The following JARID2 variants were observed in gnomAD, a reference collection of about 807,000 sequenced individuals.
JARID2 encodes the protein protein Jumonji.
A neutral mutation model predicts 125.6 loss-of-function variants in JARID2; 21 were observed. That is an observed-to-expected ratio of 0.17 (90% CI 0.12 to 0.24). The LOEUF (loss-of-function observed/expected upper bound fraction) is 0.24, where lower values mean the gene tolerates loss of function less well. JARID2 is among the 10% of genes least tolerant of loss of function. The pLI is 1.00. For synonymous variants in JARID2, 736 were observed against 661.6 expected (o/e 1.11, Z -1.73); for missense variants, 1,303 against 1,639.6 (o/e 0.79, Z 3.55).
chr6:15,507,459 T>C, intron 11 of JARID2, 43 bp downstream of exon 11: 2 of 1,541,948 alleles, frequency 1.3e-6, no homozygotes, highest in Non-Finnish European at 1.8e-6. Context: ...GCTGTGTCCA[T>C]GAGTCCTACT....
At position 15,329,002 on chromosome 6, in the gene JARID2, CT is replaced by C. The variant is rs146759476; in HGVS notation, c.46-45106del. ...TCAAATGTAGTATCTTAATAATGGG[CT>C]TTTTTTTTCTAGTTCTTCTTTTTCC... On this transcript the variant is annotated intron_variant, in intron 1 of 17. Transcript: ENST00000341776. 7.3e-3 allele frequency among the ~76,000 whole-genome samples: 1,099 copies of C among 151,448 alleles called. 14 individuals carry two copies. The highest frequency in any genetic ancestry group is 0.025 in the African/African-American group (1,042 of 41,276).
At chr6:15,470,448 A>G (rs924644741) in intron 5 of JARID2, among the ~76,000 whole-genome samples, 2 of 152,178 alleles carry the variant, frequency 1.3e-5, no homozygotes, top group East Asian at 3.8e-4. Flanking sequence ...ATTCACCGGG[A>G]AATAGAGGCT....
At chr6:15,384,810 C>G (rs1337526990) in intron 2 of JARID2, among the ~76,000 whole-genome samples, 1 of 152,084 alleles carries the variant, frequency 6.6e-6, no homozygotes, top group Non-Finnish European at 1.5e-5. Flanking sequence ...CTTAAGTGAT[C>G]CTCTTTCCTG....
chr6:15,371,328 CTTATAAT>C (rs1356415442), intron 1 of JARID2, among the ~76,000 whole-genome samples: 1 of 152,094 alleles, frequency 6.6e-6, no homozygotes, highest in African/African-American at 2.4e-5. Context: ...ATTTTGGGGC[CTTATAAT>C]TTATAAACTG....
At chr6:15,380,636 A>G (rs1764544424) in intron 2 of JARID2, among the ~76,000 whole-genome samples, 1 of 152,300 alleles carries the variant, frequency 6.6e-6, no homozygotes, top group Non-Finnish European at 1.5e-5. Context: ...GCCAAGGACC[A>G]GTATTGGAAG....
chr6:15,264,927 A>G (rs1760026718), intron 1 of JARID2, among the ~76,000 whole-genome samples: 1 of 151,720 alleles, frequency 6.6e-6, no homozygotes, highest in Non-Finnish European at 1.5e-5. Context: ...TGTATTGTGC[A>G]AAAAAGGCTT....
intron 3 of JARID2, among the ~76,000 whole-genome samples, chr6:15,435,952 CCT>C (rs1767182865): frequency 6.6e-6 from 1 of 152,028 alleles, no homozygotes; most frequent in Non-Finnish European, 1.5e-5. Flanking sequence ...TTCTTGTCCC[CCT>C]CTCAGGGCGT....
chr6:15,352,304 G>GC (rs200918787), intron 1 of JARID2, among the ~76,000 whole-genome samples: 4 of 152,034 alleles, frequency 2.6e-5, no homozygotes, highest in Non-Finnish European at 2.9e-5. Context: ...AAACTATGTA[G>GC]CCCCCCGCCT....
intron 1 of JARID2, among the ~76,000 whole-genome samples, chr6:15,307,023 CA>C (rs1200067876): frequency 2.0e-5 from 3 of 151,366 alleles, no homozygotes; most frequent in African/African-American, 7.3e-5. Context: ...AGGCGGATCA[CA>C]AGGTTAGGAG....
At chr6:15,269,316 C>T (rs981430479) in intron 1 of JARID2, among the ~76,000 whole-genome samples, 1 of 152,068 alleles carries the variant, frequency 6.6e-6, no homozygotes, top group Non-Finnish European at 1.5e-5. Flanking sequence ...ATAACTGCCT[C>T]CTAAAGTTGG....
chr6:15,341,745 C>A, intron 1 of JARID2, among the ~76,000 whole-genome samples: 1 of 152,080 alleles, frequency 6.6e-6, no homozygotes, highest in East Asian at 1.9e-4. Context: ...TAGAGTAGTG[C>A]CCGCTTAAGG....
intron 2 of JARID2, among the ~76,000 whole-genome samples, chr6:15,407,874 G>T (rs1581516640): frequency 6.6e-6 from 1 of 152,120 alleles, no homozygotes; most frequent in South Asian, 2.1e-4. Context: ...TATAGTATTT[G>T]TTAAGTAAAT....
At chr6:15,320,294 G>A (rs1251146140) in intron 1 of JARID2, among the ~76,000 whole-genome samples, 1 of 152,148 alleles carries the variant, frequency 6.6e-6, no homozygotes, top group East Asian at 1.9e-4. Flanking sequence ...GTTATAAGCC[G>A]GTAATTCAAG....
At chr6:15,254,133 G>A (rs1374341820) in intron 1 of JARID2, among the ~76,000 whole-genome samples, 1 of 152,232 alleles carries the variant, frequency 6.6e-6, no homozygotes, top group South Asian at 2.1e-4. Flanking sequence ...TGAAGAACCA[G>A]TTGGTGGAGC....
chr6:15,461,467 A>G (rs1768445271), intron 4 of JARID2, among the ~76,000 whole-genome samples: 1 of 152,212 alleles, frequency 6.6e-6, no homozygotes, highest in Non-Finnish European at 1.5e-5. Context: ...GCTGAAGGAA[A>G]GACTGGCCAT....
chr6:15,253,720 T>C (rs1486862749), intron 1 of JARID2, among the ~76,000 whole-genome samples: 1 of 152,172 alleles, frequency 6.6e-6, no homozygotes, highest in Non-Finnish European at 1.5e-5. Flanking sequence ...TTTGAAGAAA[T>C]GTCCCAGAAA....
At chr6:15,265,877 T>TC in intron 1 of JARID2, among the ~76,000 whole-genome samples, 1 of 152,188 alleles carries the variant, frequency 6.6e-6, no homozygotes, top group Non-Finnish European at 1.5e-5. Context: ...CACTCAGGGG[T>TC]CTCTGCCTCA....
chr6:15,270,572 C>T (rs970199867), intron 1 of JARID2, among the ~76,000 whole-genome samples: 4 of 152,214 alleles, frequency 2.6e-5, no homozygotes, highest in African/African-American at 9.7e-5. Context: ...GTTACCAGAA[C>T]TTGAAACTCT....
In JARID2 at chr6:15,275,213, T is replaced by G. The variant is rs372457312; in HGVS notation, c.45+28629T>G. On this transcript the variant is annotated intron_variant, in intron 1 of 17. Transcript: ENST00000341776. ...GAAACCCTCTTGAACATGGAACAGT[T>G]GGCTCTTGGGGTCAGTAGCAAAGAC... Among the ~76,000 whole-genome samples the G allele has an allele frequency of 2.2e-3, 330 of 152,294 alleles. 2 individuals are homozygous for G. Among genetic ancestry groups the G allele is most frequent in the African/African-American group, 7.7e-3 (322 of 41,560 alleles).
Sources: allele counts gnomAD v4.1 joint callset (sites outside exome capture counted in the v4.1 genomes callset), GRCh38; gene constraint gnomAD v4.1.1; transcripts MANE v1.5; gene names NCBI Gene and HGNC (gene_info 2026-07-23, HGNC 2026-07-21).